The following ADHFE1 variants were observed in gnomAD, a reference collection of about 807,000 sequenced individuals.
The protein encoded by ADHFE1 is alcohol dehydrogenase iron containing 1.
A neutral mutation model predicts 54.8 loss-of-function variants in ADHFE1; 37 were observed. The ratio of observed to expected loss-of-function variants is 0.68; its 90% CI spans 0.52 to 0.89. The LOEUF is 0.89. Among genes scored for constraint, ADHFE1 ranks in the 40% least tolerant of loss-of-function variants. The pLI is 0.00. For missense variants in ADHFE1, 601 were observed against 591.2 expected (o/e 1.02, Z -0.17); for synonymous variants, 203 against 229.3 (o/e 0.89, Z 1.04).
chr8:66,452,078 T>A lies in ADHFE1; in HGVS notation c.860T>A (p.Leu287Gln). The A allele has an allele frequency of 1.9e-6, 3 of 1,614,134 alleles. No individual in the cohort carries two copies. Among genetic ancestry groups the A allele is most frequent in the Non-Finnish European group, 2.5e-6 (3 of 1,180,006 alleles). The change falls in exon 9 of 14, where the codon CTG (leucine) becomes CAG (glutamine). Residue 287 changes from leucine to glutamine, a missense_variant. Leu to Gln is a moderately radical substitution (Grantham distance 113, BLOSUM62 -2). Transcript: ENST00000396623. Reference protein sequence around the residue: ...PISDIWAIHALRIVAKYLKRA... With the variant: ...PISDIWAIHAQRIVAKYLKRA... ...AGTGACATTTGGGCTATCCACGCGC[T>A]GCGGATCGTGGCTAAGTATCTGAAG...
Position 66,452,028 on chromosome 8 carries a change from T to C in ADHFE1, c.810T>C (p.Pro270=). The change falls in exon 9 of 14, where the codon CCT becomes CCC. Residue 270 remains proline (P), a synonymous_variant. Transcript: ENST00000396623. The part of the protein sequence containing the change: ...SPCPSNPITR[P]AYQGSNPISD... ...GCCCTTCAAATCCCATCACACGGCC[T>C]GCGTACCAGGGCAGCAACCCAATCA... The C allele has an allele frequency of 1.9e-6, 3 of 1,614,216 alleles. No individual in the cohort carries two copies. The highest frequency in any genetic ancestry group is 8.5e-7 in the Non-Finnish European group (1 of 1,180,034).
intron 9 of ADHFE1, among the ~76,000 whole-genome samples, chr8:66,453,160 C>A (rs1042080796): frequency 6.6e-6 from 1 of 152,106 alleles, no homozygotes; most frequent in South Asian, 2.1e-4. Context: ...AGTGGCACAG[C>A]GGTGGTAGAT....
At chr8:66,458,441 G>T (rs1485323675) in intron 12 of ADHFE1, among the ~76,000 whole-genome samples, 1 of 152,188 alleles carries the variant, frequency 6.6e-6, no homozygotes. Context: ...CTTTGCCAAG[G>T]ATCTGTGTCC....
intron 10 of ADHFE1, among the ~76,000 whole-genome samples, chr8:66,455,683 G>A (rs1021702130): frequency 6.6e-6 from 1 of 152,234 alleles, no homozygotes; most frequent in Non-Finnish European, 1.5e-5. Flanking sequence ...GGGAAGCCGA[G>A]TTGGACGGAT....
intron 3 of ADHFE1, among the ~76,000 whole-genome samples, chr8:66,444,015 TG>T (rs1276424021): frequency 6.6e-6 from 1 of 152,170 alleles, no homozygotes; most frequent in Non-Finnish European, 1.5e-5. Context: ...TAGCATTGAC[TG>T]GGTGGCAGGT....
chr8:66,434,099 G>C (rs868723129), intron 1 of ADHFE1, among the ~76,000 whole-genome samples: 40 of 152,360 alleles, frequency 2.6e-4, no homozygotes, highest in African/African-American at 9.1e-4. Context: ...TGCACGGAGA[G>C]GCAGTTCCTT....
Position 66,444,656 on chromosome 8 carries a change from C to T in ADHFE1, c.261C>T (p.Leu87=). ...TGACAGACAAGAACCTCTCCAAGCTCCCTCCTGTGCAAGTAGCTATGGATT... is the reference window on the plus strand; with the variant it reads ...TGACAGACAAGAACCTCTCCAAGCTTCCTCCTGTGCAAGTAGCTATGGATT... ...CLMTDKNLSK[L]PPVQVAMDSL... Residue 87 remains leucine (L), a synonymous_variant, in exon 5 of 14, where the codon CTC becomes CTT. Transcript: ENST00000396623. 1 of 1,614,214 alleles carries T rather than the reference C, an allele frequency of 6.2e-7. No homozygotes were observed.
rs779771736 is a variant in ADHFE1 at position 66,457,174 on chromosome 8, C to A, written c.1162+8C>A. ...AGATGGCAGAAATACTGGGTATGAACCATTACTCAAAATTCTGTGACCGGC... is the reference window on the plus strand; with the variant it reads ...AGATGGCAGAAATACTGGGTATGAAACATTACTCAAAATTCTGTGACCGGC... On this transcript the variant is annotated splice_region_variant and intron_variant, in intron 12 of 13. Coordinates refer to ENST00000396623, the MANE Select transcript of ADHFE1 (RefSeq NM_144650.3). 2 of 1,608,554 alleles carry A rather than the reference C, an allele frequency of 1.2e-6. No individual in the cohort carries two copies. Among genetic ancestry groups the A allele is most frequent in the Non-Finnish European group, 1.7e-6 (2 of 1,176,594 alleles).
intron 8 of ADHFE1, among the ~76,000 whole-genome samples, chr8:66,450,162 G>A (rs78813054): frequency 0.015 from 2,346 of 152,284 alleles, 71 homozygotes; most frequent in African/African-American, 0.054. Context: ...AGAAAATTGT[G>A]TCTAACTCCA....
In ADHFE1 at chr8:66,432,906, C is replaced by G. The variant is rs952533330; in HGVS notation, c.59+331C>G. On this transcript the variant is annotated intron_variant, in intron 1 of 13. Transcript: ENST00000396623. ...GACAAATTCATGTATGCAATTGACA[C>G]ATATTTATTGGGCATATATTATGTG... is the stretch of plus-strand genomic sequence containing the variant. 1.1e-5 allele frequency: 12 copies of G among 1,142,242 alleles called. No homozygotes were observed. The Admixed American group carries it at 4.3e-4, about 41-fold the overall frequency. The allele number at this position is 1,142,242 out of a possible 1,614,324, so 70.8% of individuals were successfully genotyped here.
chr8:66,456,990 G>A lies in ADHFE1; in HGVS notation c.1066-80G>A, dbSNP rs547157323. 4.6e-6 allele frequency: 7 copies of A among 1,521,040 alleles called. No individual in the cohort carries two copies. In the African/African-American group the frequency reaches 6.9e-5, roughly 15 times the overall value. 94.2% of individuals were successfully genotyped at this position (1,521,040 alleles called of 1,614,324 possible). Reference sequence around the variant, plus strand: ...AATTCTCGCCTGCTTAGAGTATGGGGTAAAGTAACTTAACATCTAGAATAT... The same window carrying A: ...AATTCTCGCCTGCTTAGAGTATGGGATAAAGTAACTTAACATCTAGAATAT... On this transcript the variant is annotated intron_variant, in intron 11 of 13. Transcript: ENST00000396623.
rs1172487455 is a variant in ADHFE1 at position 66,439,344 on chromosome 8, C to T, written c.60-818C>T. On this transcript the variant is annotated intron_variant, in intron 1 of 13. Transcript: ENST00000396623. The surrounding 1 kb of genome is among the most constrained non-coding windows in gnomAD (Gnocchi z 4.4). ...CCCAACGAAACATAAAACCGTCTTC[C>T]CAGCCTCGATCAGAGAGCGAGCAGG... The T allele has an allele frequency of 2.0e-6, 2 of 985,632 alleles. No individual in the cohort carries two copies. Among genetic ancestry groups the T allele is most frequent in the African/African-American group, 3.5e-5 (2 of 57,216 alleles). 61.1% of individuals were successfully genotyped at this position (985,632 alleles called of 1,614,324 possible).
At chr8:66,440,091 T>G (rs1298528380) in intron 1 of ADHFE1, 71 bp from the exon 2 acceptor site, 2 of 1,475,490 alleles carry the variant, frequency 1.4e-6, no homozygotes, top group Non-Finnish European at 1.9e-6. Flanking sequence ...GTGAGTTAGC[T>G]TAAGGCTTTT....
rs1805629028 is a variant in ADHFE1, at chr8:66,439,371, G to A, written c.60-791G>A. 5.1e-6 allele frequency: 5 copies of A among 985,836 alleles called. No individual in the cohort carries two copies. In the South Asian group the frequency reaches 1.4e-4, roughly 28 times the overall value. 61.1% of individuals were successfully genotyped at this position (985,836 alleles called of 1,614,324 possible). On this transcript the variant is annotated intron_variant, in intron 1 of 13. Coordinates refer to ENST00000396623, the MANE Select transcript of ADHFE1 (RefSeq NM_144650.3). The surrounding 1 kb of genome is among the most constrained non-coding windows in gnomAD (Gnocchi z 4.4). ...AGCCTCGATCAGAGAGCGAGCAGGA[G>A]AAAGAGAAGCCAGAGGAGAGACTGG...
chr8:66,467,283 T>C (rs1586500621), intron 13 of ADHFE1, among the ~76,000 whole-genome samples: 1 of 152,000 alleles, frequency 6.6e-6, no homozygotes, highest in Non-Finnish European at 1.5e-5. Flanking sequence ...GGCTCCTGGG[T>C]TTTGCCTGAG....
In ADHFE1 at chr8:66,451,611, G is replaced by A. The variant is rs184445559; in HGVS notation, c.735-342G>A. Reference sequence around the variant, plus strand: ...ATAAAATGGTAAATATCTTCCATAAGGAAGTCATTTTTTAGATTCAGTGCT... The same window carrying A: ...ATAAAATGGTAAATATCTTCCATAAAGAAGTCATTTTTTAGATTCAGTGCT... On this transcript the variant is annotated intron_variant, in intron 8 of 13. Transcript: ENST00000396623. Among the ~76,000 whole-genome samples the A allele has an allele frequency of 5.9e-5, 9 of 152,192 alleles. No individual in the cohort carries two copies. The East Asian group carries it at 1.7e-3, about 29-fold the overall frequency.
intron 12 of ADHFE1, 111 bp from the exon 13 acceptor site, chr8:66,460,197 G>T: frequency 7.2e-7 from 1 of 1,390,924 alleles, no homozygotes; most frequent in South Asian, 1.3e-5. Context: ...CGTGCTGGGC[G>T]TTAGGGAGAC....
rs1806612230 is a variant in ADHFE1 at position 66,456,808 on chromosome 8, C to G, written c.987-9C>G. 3 of 1,602,924 alleles carry G rather than the reference C, an allele frequency of 1.9e-6. No homozygotes were observed. Among genetic ancestry groups the G allele is most frequent in the Non-Finnish European group, 2.6e-6 (3 of 1,171,880 alleles). ...GTGTATGAACATAAGGATTTTCTTT[C>G]TTTTCTAGCCATGGAATGTCTTACC... is the stretch of plus-strand genomic sequence containing the variant. On this transcript the variant is annotated splice_polypyrimidine_tract_variant and intron_variant, in intron 10 of 13. Transcript: ENST00000396623.
At chr8:66,433,278 G>T (rs1377156695) in intron 1 of ADHFE1, among the ~76,000 whole-genome samples, 1 of 152,164 alleles carries the variant, frequency 6.6e-6, no homozygotes, top group African/African-American at 2.4e-5. Context: ...AGGGACTGGC[G>T]AGGAACGTCA....
Sources: allele counts gnomAD v4.1 joint callset (sites outside exome capture counted in the v4.1 genomes callset), GRCh38; gene constraint gnomAD v4.1.1; non-coding constraint Gnocchi (gnomAD v3.1); transcripts MANE v1.5; gene names NCBI Gene and HGNC (gene_info 2026-07-23, HGNC 2026-07-21).